Variants in PPARD observed in about 807,000 individuals in gnomAD.
PPARD encodes the protein peroxisome proliferator activated receptor delta.
In PPARD, 6 loss-of-function variants were observed where a neutral mutation model predicts 39.5. That is an observed-to-expected ratio of 0.15 (90% CI 0.08 to 0.30). PPARD has a LOEUF of 0.30. Among genes scored for constraint, PPARD ranks in the 10% least tolerant of loss-of-function variants. PPARD has a pLI of 1.00. For synonymous variants in PPARD, 210 were observed against 231.3 expected (o/e 0.91, Z 0.83); for missense variants, 397 against 596.8 (o/e 0.67, Z 3.49).
chr6:35,346,001 T>G (rs976935046), intron 1 of PPARD, among the ~76,000 whole-genome samples: 11 of 150,210 alleles, frequency 7.3e-5, no homozygotes, highest in African/African-American at 2.5e-4. Context: ...CTCAGCCTCC[T>G]GAGTAGCTGG....
Position 35,404,953 on chromosome 6 carries a change from T to TGTGTGTG in PPARD, c.-101-6034_-101-6033insGTGTGTG, listed in dbSNP as rs1764934030. On this transcript the variant is annotated intron_variant, in intron 2 of 7. Coordinates refer to ENST00000360694, the MANE Select transcript of PPARD (RefSeq NM_006238.5). ...GGGGGCTGCATGTGCACTGCAGGCT[T>TGTGTGTG]TGTGTGTGTGTGTGTGTGTGTGTGT... Among the ~76,000 whole-genome samples, 136 of 142,216 alleles carry TGTGTGTG rather than the reference T, an allele frequency of 9.6e-4. 2 individuals carry two copies. The highest frequency in any genetic ancestry group is 9.1e-3 in the Admixed American group (132 of 14,562). 93.3% of individuals were successfully genotyped at this position (142,216 alleles called of 152,430 possible). A position where few individuals can be genotyped will look rare whatever the true frequency, so the allele number is the denominator to read the frequency against.
intron 3 of PPARD, among the ~76,000 whole-genome samples, chr6:35,417,694 G>C (rs971150061): frequency 6.6e-6 from 1 of 152,084 alleles, no homozygotes. Context: ...ACCACGCCCA[G>C]CTAATTTTTG....
intron 3 of PPARD, among the ~76,000 whole-genome samples, chr6:35,413,684 C>CTT (rs569625848): frequency 1.4e-4 from 19 of 139,730 alleles, no homozygotes; most frequent in African/African-American, 2.6e-4. Flanking sequence ...ATGTGTGATT[C>CTT]TTTTTTTTTT....
intron 2 of PPARD, among the ~76,000 whole-genome samples, chr6:35,362,601 G>A (rs886309902): frequency 6.6e-6 from 1 of 152,156 alleles, no homozygotes; most frequent in Non-Finnish European, 1.5e-5. Context: ...CTGGGGGTGG[G>A]GGTCTTGGGA....
chr6:35,363,786 T>C lies in PPARD; in HGVS notation c.-102+16636T>C, dbSNP rs1424522561. Among the ~76,000 whole-genome samples, 1 of 152,174 alleles carries C rather than the reference T, an allele frequency of 6.6e-6. No homozygotes were observed. Among genetic ancestry groups the C allele is most frequent in the Non-Finnish European group, 1.5e-5 (1 of 68,032 alleles). On this transcript the variant is annotated intron_variant, in intron 2 of 7. Coordinates refer to ENST00000360694, the MANE Select transcript of PPARD (RefSeq NM_006238.5). This position sits in a 1 kb window ranked among gnomAD's most constrained non-coding sequence, Gnocchi z 4.5. Reference sequence around the variant, plus strand: ...ACTGATGCCTGAGCCACAGGCAGAATGTGAGCAGTTTATTTTATTTTATAT... The same window carrying C: ...ACTGATGCCTGAGCCACAGGCAGAACGTGAGCAGTTTATTTTATTTTATAT...
rs1347369167 is a variant in PPARD at position 35,420,140 on chromosome 6, C to T, written c.144C>T (p.Ser48=). The T allele has an allele frequency of 6.2e-7, 1 of 1,613,162 alleles. No individual in the cohort carries two copies. The highest frequency in any genetic ancestry group is 2.2e-5 in the East Asian group (1 of 44,852). The change falls in exon 4 of 8, where the codon AGC becomes AGT. Residue 48 remains serine, a synonymous_variant. Transcript: ENST00000360694. ...GTGTGTCCGCAGACCTCTCCCGGAG[C>T]TCCTCGCCACCCTCACTGCTGGACC... The part of the protein sequence containing the change: ...PSSSYTDLSR[S]SSPPSLLDQL...
chr6:35,355,598 CTTTTTTTTTT>C (rs1166499750), intron 2 of PPARD, among the ~76,000 whole-genome samples: 3 of 33,460 alleles, frequency 9.0e-5, no homozygotes, highest in East Asian at 9.5e-4. Context: ...TCTTCTTCTT[CTTTTTTTTTT>C]TTTTTTTTTT....
At chr6:35,418,072 G>A (rs1023159007) in intron 3 of PPARD, among the ~76,000 whole-genome samples, 2 of 152,310 alleles carry the variant, frequency 1.3e-5, no homozygotes, top group Middle Eastern at 3.4e-3. Flanking sequence ...GACAAGACTC[G>A]GTGGTGGAAG....
chr6:35,401,687 G>A lies in PPARD; in HGVS notation c.-101-9300G>A, dbSNP rs1258450910. ...TCAGGAAAGCGTCTCCTGGCCACTCGCACCTGACTCATGTGCTCTGAGTGC... is the reference window on the plus strand; with the variant it reads ...TCAGGAAAGCGTCTCCTGGCCACTCACACCTGACTCATGTGCTCTGAGTGC... On this transcript the variant is annotated intron_variant, in intron 2 of 7. Coordinates refer to ENST00000360694, the MANE Select transcript of PPARD (RefSeq NM_006238.5). The surrounding 1 kb of genome is among the most constrained non-coding windows in gnomAD (Gnocchi z 4.1). 3.3e-5 allele frequency among the ~76,000 whole-genome samples: 5 copies of A among 152,308 alleles called. No individual in the cohort carries two copies. The highest frequency in any genetic ancestry group is 2.1e-4 in the South Asian group (1 of 4,830).
At chr6:35,361,323 G>A (rs1468017078) in intron 2 of PPARD, among the ~76,000 whole-genome samples, 1 of 152,042 alleles carries the variant, frequency 6.6e-6, no homozygotes, top group Non-Finnish European at 1.5e-5. Context: ...CACCATAGGT[G>A]GATGCCAGTC....
At chr6:35,418,870 C>T (rs991258143) in intron 3 of PPARD, among the ~76,000 whole-genome samples, 1 of 152,210 alleles carries the variant, frequency 6.6e-6, no homozygotes, top group Non-Finnish European at 1.5e-5. Flanking sequence ...TGCTCCCCCT[C>T]CTGTGGTCAG....
chr6:35,386,035 T>G (rs1157953424), intron 2 of PPARD, among the ~76,000 whole-genome samples: 2 of 152,082 alleles, frequency 1.3e-5, no homozygotes, highest in Non-Finnish European at 2.9e-5. Flanking sequence ...CCTGGGCAAG[T>G]TACCCTCCTG....
At chr6:35,413,720 C>T (rs978805191) in intron 3 of PPARD, among the ~76,000 whole-genome samples, 39 of 150,108 alleles carry the variant, frequency 2.6e-4, no homozygotes, top group Middle Eastern at 3.2e-3. Context: ...CTGGCTCTGT[C>T]GCTCAGGCTG....
intron 2 of PPARD, among the ~76,000 whole-genome samples, chr6:35,362,689 G>A (rs963105037): frequency 2.0e-5 from 3 of 152,144 alleles, no homozygotes; most frequent in Non-Finnish European, 4.4e-5. Context: ...TGATGGGTTG[G>A]GGCGGGGTAG....
chr6:35,353,792 C>T (rs1582278736), intron 2 of PPARD, among the ~76,000 whole-genome samples: 1 of 152,196 alleles, frequency 6.6e-6, no homozygotes, highest in South Asian at 2.1e-4. Flanking sequence ...AGAGAAGGCT[C>T]CGTATGGGGC....
chr6:35,354,846 G>T (rs1358678588), intron 2 of PPARD, among the ~76,000 whole-genome samples: 1 of 152,192 alleles, frequency 6.6e-6, no homozygotes, highest in Non-Finnish European at 1.5e-5. Flanking sequence ...AGGAACATTT[G>T]TAGCCATTTC....
At position 35,426,695 on chromosome 6, in the gene PPARD, AAGGACAGTGGGCAGGAGGCCCC is replaced by A. The variant is rs1367356200; in HGVS notation, c.*620_*641del. 13 of 153,852 alleles carry A rather than the reference AAGGACAGTGGGCAGGAGGCCCC, an allele frequency of 8.4e-5. No individual in the cohort carries two copies. Among genetic ancestry groups the A allele is most frequent in the African/African-American group, 3.1e-4 (13 of 41,438 alleles). The allele number at this position is 153,852 out of a possible 1,614,324, so 9.5% of individuals were successfully genotyped here. On this transcript the variant is annotated 3_prime_UTR_variant, in exon 8 of 8. Coordinates refer to ENST00000360694, the MANE Select transcript of PPARD (RefSeq NM_006238.5). ...CTATAGTCATGGGGTCCCTGCTGCAAAGGACAGTGGGCAGGAGGCCCCAGGCTGAGAGCCAGATGCCTCCCCA... is the reference window on the plus strand; with the variant it reads ...CTATAGTCATGGGGTCCCTGCTGCAAAGGCTGAGAGCCAGATGCCTCCCCA...
intron 2 of PPARD, chr6:35,397,450 C>T (rs1489182977): frequency 8.5e-6 from 7 of 821,786 alleles, no homozygotes; most frequent in Admixed American, 6.2e-5. Flanking sequence ...CGCTCTCCAC[C>T]ACATTTCTAC....
chr6:35,356,822 C>T (rs957928377), intron 2 of PPARD, among the ~76,000 whole-genome samples: 8 of 152,180 alleles, frequency 5.3e-5, no homozygotes, highest in Non-Finnish European at 8.8e-5. Flanking sequence ...GGTCCACTGG[C>T]GAACCTCACA....
Sources: allele counts gnomAD v4.1 joint callset (sites outside exome capture counted in the v4.1 genomes callset), GRCh38; gene constraint gnomAD v4.1.1; non-coding constraint Gnocchi (gnomAD v3.1); transcripts MANE v1.5; gene names NCBI Gene and HGNC (gene_info 2026-07-23, HGNC 2026-07-21).